SART1: variants seen among roughly 807,000 people sequenced by gnomAD.
The protein encoded by SART1 is U4/U6.U5 tri-snRNP-associated protein 1.
Under a neutral mutation model 105.0 loss-of-function variants are expected in SART1, and 28 were observed. That is an observed-to-expected ratio of 0.27 (90% CI 0.20 to 0.37). The LOEUF (loss-of-function observed/expected upper bound fraction) is 0.37. Ranked by LOEUF, SART1 falls within the 10% of genes least tolerant of loss-of-function variation. The probability of loss-of-function intolerance (pLI) is 1.00; values close to 1 mark genes in which losing one functional copy is unlikely to be tolerated. For synonymous variants in SART1, 472 were observed against 462.9 expected, an observed-to-expected ratio of 1.02 and a Z score of -0.25; for missense variants, 894 against 1,106.5, an observed-to-expected ratio of 0.81 and a Z score of 2.72.
rs1855546140 is a variant in SART1 at position 65,979,344 on chromosome 11, C to T, written c.*314C>T. On this transcript the variant is annotated 3_prime_UTR_variant, in exon 20 of 20. Transcript: ENST00000312397. ...ACTCATCACCCTGCTCTCTCCTGGC[C>T]TCGGGGGCTGCACAGGTCACTGTCC... 2.0e-6 allele frequency: 1 copy of T among 501,026 alleles called. No homozygotes were observed. The highest frequency in any genetic ancestry group is 3.6e-6 in the Non-Finnish European group (1 of 276,690). The allele number at this position is 501,026 out of a possible 1,614,324, so 31.0% of individuals were successfully genotyped here. A position where few individuals can be genotyped will look rare whatever the true frequency, so the allele number is the denominator to read the frequency against.
In SART1 at chr11:65,978,102, C is replaced by G; in HGVS notation, c.2172+203C>G. ...CTCAGTTTGTCTCTAGTGGGCACAG[C>G]AGTCTCTTTGCAAGCCTGGCAGGAG... On this transcript the variant is annotated intron_variant, in intron 17 of 19. Transcript: ENST00000312397. This position sits in a 1 kb window ranked among gnomAD's most constrained non-coding sequence, Gnocchi z 6.8. 1.6e-6 allele frequency: 1 copy of G among 608,978 alleles called. No individual in the cohort carries two copies. The highest frequency in any genetic ancestry group is 2.9e-6 in the Non-Finnish European group (1 of 347,660). 37.7% of individuals were successfully genotyped at this position (608,978 alleles called of 1,614,324 possible).
chr11:65,966,269 A>G, intron 8 of SART1, 51 bp downstream of exon 8: 1 of 1,613,496 alleles, frequency 6.2e-7, no homozygotes, highest in Non-Finnish European at 8.5e-7. Flanking sequence ...GAATGTCGGG[A>G]ATGGGGGCTC....
chr11:65,976,380 C>T lies in SART1; in HGVS notation c.1573-15C>T, dbSNP rs370657310. On this transcript the variant is annotated splice_polypyrimidine_tract_variant and intron_variant, in intron 12 of 19. Coordinates refer to ENST00000312397, the MANE Select transcript of SART1 (RefSeq NM_005146.5). This position sits in a 1 kb window ranked among gnomAD's most constrained non-coding sequence, Gnocchi z 5.1. The stretch of plus-strand genomic sequence containing the variant: ...AGAAACTGCTGGGTTTGCCCACAGC[C>T]GCTCCCTCCCCCAGGTGGTGGAGAT... The T allele has an allele frequency of 1.6e-5, 25 of 1,518,500 alleles. No individual in the cohort carries two copies. In the African/African-American group the frequency reaches 2.0e-4, roughly 12 times the overall value. 94.1% of individuals were successfully genotyped at this position (1,518,500 alleles called of 1,614,324 possible).
At chr11:65,962,126 C>CCGGGGGGGGGGGGG in intron 1 of SART1, 33 bp downstream of exon 1, 2 of 25,824 alleles carry the variant, frequency 7.7e-5, no homozygotes, top group Non-Finnish European at 1.3e-4. Flanking sequence ...GGGGGCGGGT[C>CCGGGGGGGGGGGGG]GGGCGGGGGT....
Position 65,965,765 on chromosome 11 carries a change from GGGCAGAGGC to G in SART1, c.730_738del (p.Arg244_Gln246del). On this transcript the variant is annotated inframe_deletion, in exon 6 of 20. Transcript: ENST00000312397. Reference sequence around the variant, plus strand: ...CAGCACTCTGGTGGAGGAGGAGTTCGGGCAGAGGCGGCAGGTGAGGCTGCAGCAGGGGTG... The same window carrying G: ...CAGCACTCTGGTGGAGGAGGAGTTCGGGCAGGTGAGGCTGCAGCAGGGGTG... 1 of 1,614,020 alleles carries G rather than the reference GGGCAGAGGC, an allele frequency of 6.2e-7. No individual in the cohort carries two copies. Among genetic ancestry groups the G allele is most frequent in the South Asian group, 1.1e-5 (1 of 91,064 alleles).
chr11:65,976,582 G>C lies in SART1; in HGVS notation c.1746+14G>C. Reference sequence around the variant, plus strand: ...GAGGAGCTCATGGTGCGTCTGGGGCGGCCCCGCCCTCTGCTTCCCTCGGCT... The same window carrying C: ...GAGGAGCTCATGGTGCGTCTGGGGCCGCCCCGCCCTCTGCTTCCCTCGGCT... On this transcript the variant is annotated intron_variant, in intron 13 of 19. Coordinates refer to ENST00000312397, the MANE Select transcript of SART1 (RefSeq NM_005146.5). The surrounding 1 kb of genome is among the most constrained non-coding windows in gnomAD (Gnocchi z 5.1). The C allele has an allele frequency of 3.1e-6, 5 of 1,613,332 alleles. No homozygotes were observed. The highest frequency in any genetic ancestry group is 4.2e-6 in the Non-Finnish European group (5 of 1,179,812).
Position 65,965,522 on chromosome 11 carries a change from C to A in SART1, c.660+75C>A, listed in dbSNP as rs184201286. Reference sequence around the variant, plus strand: ...GACGGCACTGAGGCGGGGGCCAACCCCAGAGAGGTGAGACGGGGCTTGGAG... The same window carrying A: ...GACGGCACTGAGGCGGGGGCCAACCACAGAGAGGTGAGACGGGGCTTGGAG... On this transcript the variant is annotated intron_variant, in intron 5 of 19. Coordinates refer to ENST00000312397, the MANE Select transcript of SART1 (RefSeq NM_005146.5). 7.6e-5 allele frequency: 110 copies of A among 1,452,284 alleles called. No homozygotes were observed. In the African/African-American group the frequency reaches 1.1e-3, roughly 15 times the overall value. The allele number at this position is 1,452,284 out of a possible 1,614,324, so 90.0% of individuals were successfully genotyped here. A position where few individuals can be genotyped will look rare whatever the true frequency, so the allele number is the denominator to read the frequency against.
intron 1 of SART1, 37 bp downstream of exon 1, chr11:65,962,130 C>CCGGGGGAGGGGGGGGGGGGGGGG: frequency 3.6e-5 from 4 of 111,094 alleles, no homozygotes; most frequent in Non-Finnish European, 4.9e-5. Context: ...GCGGGTCGGG[C>CCGGGGGAGGGGGGGGGGGGGGGG]GGGGGTCCCG....
Position 65,961,949 on chromosome 11 carries a change from C to G in SART1, c.169C>G (p.Arg57Gly). ...CGGTGGCGAACGACGGAAGCGGAGC[C>G]GGGAACGTGGGGGCGAGCGCGGGAG... ...GSGGERRKRS[R>G]ERGGERGSGR... Residue 57 changes from arginine to glycine, a missense_variant, in exon 1 of 20, where the codon CGG becomes GGG. Physicochemically the swap from Arg to Gly is moderately radical, Grantham distance 125 (BLOSUM62 -2). Coordinates refer to ENST00000312397, the MANE Select transcript of SART1 (RefSeq NM_005146.5). 6.6e-7 allele frequency: 1 copy of G among 1,525,306 alleles called. No homozygotes were observed. The highest frequency in any genetic ancestry group is 1.2e-5 in the South Asian group (1 of 82,216). The allele number at this position is 1,525,306 out of a possible 1,614,324, so 94.5% of individuals were successfully genotyped here.
At position 65,975,430 on chromosome 11, in the gene SART1, T is replaced by C. The variant is rs867459086; in HGVS notation, c.1573-965T>C. Among the ~76,000 whole-genome samples, 220 of 148,092 alleles carry C rather than the reference T, an allele frequency of 1.5e-3. 2 individuals are homozygous for C. Among genetic ancestry groups the C allele is most frequent in the East Asian group, 1.6e-3 (8 of 4,944 alleles). On this transcript the variant is annotated intron_variant, in intron 12 of 19. Coordinates refer to ENST00000312397, the MANE Select transcript of SART1 (RefSeq NM_005146.5). The stretch of plus-strand genomic sequence containing the variant: ...GAAGAATTTTTTTTTTTTTTTTTTT[T>C]CGAGACGGGGTTTCACTCTTGCCCA...
chr11:65,965,444 G>A lies in SART1; in HGVS notation c.657G>A (p.Lys219=). The A allele has an allele frequency of 1.3e-6, 2 of 1,555,604 alleles. No individual in the cohort carries two copies. The highest frequency in any genetic ancestry group is 1.7e-6 in the Non-Finnish European group (2 of 1,150,022). ...AGAAGGAGAAGGACCTGGCAGAGAAGAGGGTGAGCACCTGGGCAGCATGGG... is the reference window on the plus strand; with the variant it reads ...AGAAGGAGAAGGACCTGGCAGAGAAAAGGGTGAGCACCTGGGCAGCATGGG... The part of the protein sequence containing the change: ...QLQKEKDLAE[K]RAKLLEEMDQ... The change falls in exon 5 of 20, where the codon AAG becomes AAA. Residue 219 remains lysine, a synonymous_variant. Coordinates refer to ENST00000312397, the MANE Select transcript of SART1 (RefSeq NM_005146.5).
At chr11:65,970,340 T>C (rs1275854547) in intron 12 of SART1, among the ~76,000 whole-genome samples, 1 of 152,080 alleles carries the variant, frequency 6.6e-6, no homozygotes, top group Non-Finnish European at 1.5e-5. Flanking sequence ...CAAAATGTCT[T>C]TTTAGTTTTT....
intron 12 of SART1, among the ~76,000 whole-genome samples, chr11:65,968,957 C>T (rs1855315844): frequency 6.6e-6 from 1 of 152,184 alleles, no homozygotes; most frequent in Non-Finnish European, 1.5e-5. Context: ...CCAGAGGCCA[C>T]ACTTTTAGCC....
At chr11:65,964,398 C>A in intron 2 of SART1, 117 bp from the exon 3 acceptor site, 5 of 1,254,854 alleles carry the variant, frequency 4.0e-6, no homozygotes, top group Non-Finnish European at 5.8e-6. Flanking sequence ...CTGCCTGGGG[C>A]AGACTTTGTG....
rs544089729 is a variant in SART1, at chr11:65,978,447, C to T, written c.2173-153C>T. 59 of 708,626 alleles carry T rather than the reference C, an allele frequency of 8.3e-5. 1 individual carries two copies. In the East Asian group the frequency reaches 1.1e-3, roughly 14 times the overall value. The allele number at this position is 708,626 out of a possible 1,614,324, so 43.9% of individuals were successfully genotyped here. A position where few individuals can be genotyped will look rare whatever the true frequency, so the allele number is the denominator to read the frequency against. ...CTGCTGGGGCCCTGCAGGGTGCCAGCGTCTGTGCTCTTTTCCCATCCCCTT... is the reference window on the plus strand; with the variant it reads ...CTGCTGGGGCCCTGCAGGGTGCCAGTGTCTGTGCTCTTTTCCCATCCCCTT... On this transcript the variant is annotated intron_variant, in intron 17 of 19. Transcript: ENST00000312397. This position sits in a 1 kb window ranked among gnomAD's most constrained non-coding sequence, Gnocchi z 6.8.
chr11:65,961,955 C>T lies in SART1; in HGVS notation c.175C>T (p.Arg59Cys). 2 of 1,515,286 alleles carry T rather than the reference C, an allele frequency of 1.3e-6. No individual in the cohort carries two copies. The highest frequency in any genetic ancestry group is 2.0e-4 in the Middle Eastern group (1 of 4,928). 93.9% of individuals were successfully genotyped at this position (1,515,286 alleles called of 1,614,324 possible). ...GGERRKRSRERGGERGSGRRG... is the reference protein window; with the variant it reads ...GGERRKRSRECGGERGSGRRG... Reference sequence around the variant, plus strand: ...CGAACGACGGAAGCGGAGCCGGGAACGTGGGGGCGAGCGCGGGAGCGGGCG... The same window carrying T: ...CGAACGACGGAAGCGGAGCCGGGAATGTGGGGGCGAGCGCGGGAGCGGGCG... The change falls in exon 1 of 20, where the codon CGT (arginine) becomes TGT (cysteine). Residue 59 changes from arginine to cysteine, a missense_variant. By Grantham distance (180) the Arg-to-Cys change is radical (BLOSUM62 -3). Transcript: ENST00000312397.
chr11:65,978,133 G>T lies in SART1; in HGVS notation c.2172+234G>T, dbSNP rs1216902228. 1 of 576,646 alleles carries T rather than the reference G, an allele frequency of 1.7e-6. No individual in the cohort carries two copies. The highest frequency in any genetic ancestry group is 3.1e-6 in the Non-Finnish European group (1 of 323,550). The allele number at this position is 576,646 out of a possible 1,614,324, so 35.7% of individuals were successfully genotyped here. On this transcript the variant is annotated intron_variant, in intron 17 of 19. Transcript: ENST00000312397. The surrounding 1 kb of genome is among the most constrained non-coding windows in gnomAD (Gnocchi z 6.8). ...CTTTGCAAGCCTGGCAGGAGGGTCAGACAGGCACTCGGGACCTCTGCCCTC... is the reference window on the plus strand; with the variant it reads ...CTTTGCAAGCCTGGCAGGAGGGTCATACAGGCACTCGGGACCTCTGCCCTC...
In SART1 at chr11:65,964,067, G is replaced by C. The variant is rs1163678946; in HGVS notation, c.314-7G>C. 1.2e-6 allele frequency: 2 copies of C among 1,610,938 alleles called. No individual in the cohort carries two copies. Among genetic ancestry groups the C allele is most frequent in the Non-Finnish European group, 1.7e-6 (2 of 1,179,962 alleles). Reference sequence around the variant, plus strand: ...CAGCTCCTGAGCCATGCTTCTTCTTGTTCCAGCTGCCAGCTCCAAAACTAG... The same window carrying C: ...CAGCTCCTGAGCCATGCTTCTTCTTCTTCCAGCTGCCAGCTCCAAAACTAG... On this transcript the variant is annotated splice_polypyrimidine_tract_variant and splice_region_variant and intron_variant, in intron 1 of 19. Coordinates refer to ENST00000312397, the MANE Select transcript of SART1 (RefSeq NM_005146.5).
rs947225817 is a variant in SART1, at chr11:65,967,726, G to T, written c.1477G>T (p.Asp493Tyr). 3 of 1,557,156 alleles carry T rather than the reference G, an allele frequency of 1.9e-6. No individual in the cohort carries two copies. Among genetic ancestry groups the T allele is most frequent in the Admixed American group, 3.9e-5 (2 of 51,130 alleles). ...GGGGTCCCCGCAGGTGCTGGAGGAG[G>T]ACGAGGCGGAGCTGGAGCTGCAGAA... ...PPGSPQVLEE[D>Y]EAELELQKQL... The change falls in exon 12 of 20, where the codon GAC (aspartate) becomes TAC (tyrosine). Residue 493 changes from aspartate to tyrosine, a missense_variant. Physicochemically the swap from Asp to Tyr is radical, Grantham distance 160 (BLOSUM62 -3). Coordinates refer to ENST00000312397, the MANE Select transcript of SART1 (RefSeq NM_005146.5).
Sources: allele counts gnomAD v4.1 joint callset (sites outside exome capture counted in the v4.1 genomes callset), GRCh38; gene constraint gnomAD v4.1.1; non-coding constraint Gnocchi (gnomAD v3.1); transcripts MANE v1.5; gene names NCBI Gene and HGNC (gene_info 2026-07-23, HGNC 2026-07-21).